KIF5C: variants seen among roughly 807,000 people sequenced by gnomAD.
KIF5C encodes the protein kinesin family member 5C.
In KIF5C, 18 loss-of-function variants were observed where a neutral mutation model predicts 125.2. That is an observed-to-expected ratio of 0.14 (90% confidence interval 0.10 to 0.21). The LOEUF (loss-of-function observed/expected upper bound fraction) is 0.21, where lower values mean the gene tolerates loss of function less well. KIF5C is among the 10% of genes least tolerant of loss of function. The pLI, the probability that KIF5C is intolerant of heterozygous loss-of-function variation, is 1.00. For synonymous variants in KIF5C, 405 were observed against 434.0 expected, an observed-to-expected ratio of 0.93 and a Z score of 0.83; for missense variants, 780 against 1,183.8, an observed-to-expected ratio of 0.66 and a Z score of 5.01.
In KIF5C at chr2:148,922,170, C is replaced by T; in HGVS notation, c.160C>T (p.Pro54Ser). 1 of 1,613,186 alleles carries T rather than the reference C, an allele frequency of 6.2e-7. No homozygotes were observed. Among genetic ancestry groups the T allele is most frequent in the Non-Finnish European group, 8.5e-7 (1 of 1,179,542 alleles). ...GCCATATGTCTTCGACAGAGTGCTA[C>T]CTCCCAACACGACCCAAGAGCAGGT... ...GKPYVFDRVL[P>S]PNTTQEQVYN... Residue 54 changes from proline to serine, a missense_variant, in exon 2 of 26, where the codon CCT (proline) becomes TCT (serine). By Grantham distance (74) the Pro-to-Ser change is moderately conservative. This residue lies in a region of KIF5C where 207 missense variants were observed against 441.2 expected (regional missense o/e 0.47). Transcript: ENST00000435030.
chr2:148,963,022 A>G (rs1682966376), intron 11 of KIF5C, among the ~76,000 whole-genome samples: 1 of 151,340 alleles, frequency 6.6e-6, no homozygotes, highest in Non-Finnish European at 1.5e-5. Flanking sequence ...TTCTACTGGG[A>G]GAAAATATCT....
Position 148,991,039 on chromosome 2 carries a change from G to C in KIF5C, c.1746G>C (p.Glu582Asp). Residue 582 changes from glutamate (E) to aspartate (D), a missense_variant, in exon 16 of 26, where the codon GAG (glutamate) becomes GAC (aspartate). Physicochemically the swap from Glu to Asp is conservative, Grantham distance 45 (BLOSUM62 2). This residue lies in a region of KIF5C where 573 missense variants were observed against 742.6 expected (regional missense o/e 0.77). Transcript: ENST00000435030. ...TLADVNGVIE[E>D]EFTMARLYIS... ...CAGATGTGAATGGAGTCATTGAGGA[G>C]GAGTTTACCATGGCCCGCCTGTACA... 1 of 1,613,630 alleles carries C rather than the reference G, an allele frequency of 6.2e-7. No homozygotes were observed. The highest frequency in any genetic ancestry group is 8.5e-7 in the Non-Finnish European group (1 of 1,179,740).
intron 8 of KIF5C, among the ~76,000 whole-genome samples, chr2:148,949,069 C>G (rs1423547767): frequency 6.6e-6 from 1 of 152,080 alleles, no homozygotes; most frequent in Admixed American, 6.6e-5. Flanking sequence ...GCAGCTGCTC[C>G]CCCTGCATCG....
At chr2:148,953,311 C>A (rs1266019908) in intron 10 of KIF5C, among the ~76,000 whole-genome samples, 1 of 152,198 alleles carries the variant, frequency 6.6e-6, no homozygotes, top group Non-Finnish European at 1.5e-5. Flanking sequence ...GCCATTACGT[C>A]CAGAAGTTTG....
intron 21 of KIF5C, 74 bp from the exon 22 acceptor site, chr2:149,005,319 A>G (rs998226627): frequency 3.8e-6 from 6 of 1,560,062 alleles, no homozygotes; most frequent in Middle Eastern, 1.7e-4. Context: ...GTGTCGGGGG[A>G]ATGATCTGGT....
intron 1 of KIF5C, among the ~76,000 whole-genome samples, chr2:148,905,669 T>C (rs1365571512): frequency 6.6e-6 from 1 of 152,146 alleles, no homozygotes; most frequent in Non-Finnish European, 1.5e-5. Context: ...TTTTAGCTAA[T>C]GGAGGAAGCC....
chr2:148,982,272 A>G (rs1357287929), intron 14 of KIF5C, among the ~76,000 whole-genome samples: 1 of 152,210 alleles, frequency 6.6e-6, no homozygotes, highest in Non-Finnish European at 1.5e-5. Context: ...AAGATGCCAT[A>G]GGTTCTGCAG....
chr2:148,983,683 A>C lies in KIF5C; in HGVS notation c.1633A>C (p.Lys545Gln). The change falls in exon 15 of 26, where the codon AAA becomes CAA. Residue 545 changes from lysine to glutamine, a missense_variant. Lys to Gln is a moderately conservative substitution (Grantham distance 53, BLOSUM62 1). Transcript: ENST00000435030. ...QLQELSNHQK[K>Q]RATEILNLLL... ...ACAAGAGCTTAGCAACCACCAGAAG[A>C]AAAGGGCAACTGAGATCCTGAATTT... 6.2e-7 allele frequency: 1 copy of C among 1,611,780 alleles called. No individual in the cohort carries two copies. The highest frequency in any genetic ancestry group is 1.1e-5 in the South Asian group (1 of 90,594).
At position 149,000,741 on chromosome 2, in the gene KIF5C, G is replaced by A. The variant is rs1388199446; in HGVS notation, c.2332G>A (p.Glu778Lys). 8.1e-6 allele frequency: 13 copies of A among 1,613,928 alleles called. No individual in the cohort carries two copies. The highest frequency in any genetic ancestry group is 1.1e-5 in the Non-Finnish European group (13 of 1,179,858). Residue 778 changes from glutamate to lysine, a missense_variant, in exon 21 of 26, where the codon GAA becomes AAA. By Grantham distance (56) the Glu-to-Lys change is moderately conservative. This residue lies in a region of KIF5C where 573 missense variants were observed against 742.6 expected (regional missense o/e 0.77). Coordinates refer to ENST00000435030, the MANE Select transcript of KIF5C (RefSeq NM_004522.3). Reference protein sequence around the residue: ...EKLLLLNDKREQAREDLKGLE... With the variant: ...EKLLLLNDKRKQAREDLKGLE... ...TTTCAGATTGCTCAACGATAAAAGG[G>A]AACAAGCCAGAGAAGACCTCAAAGG...
intron 23 of KIF5C, among the ~76,000 whole-genome samples, chr2:149,009,604 A>G (rs1381549068): frequency 6.6e-6 from 1 of 152,122 alleles, no homozygotes; most frequent in Non-Finnish European, 1.5e-5. Flanking sequence ...TCAATCAGCA[A>G]AAAGGCGCAG....
intron 11 of KIF5C, among the ~76,000 whole-genome samples, chr2:148,963,873 G>T (rs1682986884): frequency 6.6e-6 from 1 of 152,080 alleles, no homozygotes; most frequent in Admixed American, 6.5e-5. Flanking sequence ...CATCCTCTGG[G>T]ATCTGCCCAT....
chr2:149,024,068 A>T lies in KIF5C; in HGVS notation c.*998A>T, dbSNP rs759118395. 5 of 152,302 alleles carry T rather than the reference A, an allele frequency of 3.3e-5. No homozygotes were observed. The highest frequency in any genetic ancestry group is 7.3e-5 in the Non-Finnish European group (5 of 68,036). 9.4% of individuals were successfully genotyped at this position (152,302 alleles called of 1,614,324 possible). Reference sequence around the variant, plus strand: ...TGTTCTTTGTGCTTGTGTATGAGTAAGTTGCCATGAATAAGTTATTATTTT... The same window carrying T: ...TGTTCTTTGTGCTTGTGTATGAGTATGTTGCCATGAATAAGTTATTATTTT... On this transcript the variant is annotated 3_prime_UTR_variant, in exon 26 of 26. Coordinates refer to ENST00000435030, the MANE Select transcript of KIF5C (RefSeq NM_004522.3).
At chr2:148,956,803 T>C (rs73965216) in intron 10 of KIF5C, among the ~76,000 whole-genome samples, 21,071 of 152,218 alleles carry the variant, frequency 0.14, 2,226 homozygotes, top group African/African-American at 0.29. Flanking sequence ...TATCTGTATA[T>C]ACATTGAGGG....
intron 19 of KIF5C, among the ~76,000 whole-genome samples, chr2:148,999,546 T>C (rs1182542462): frequency 6.6e-6 from 1 of 152,240 alleles, no homozygotes; most frequent in African/African-American, 2.4e-5. Flanking sequence ...GCACTTAGCC[T>C]CCTCCCTCTT....
At chr2:148,937,962 T>A (rs1199747429) in intron 4 of KIF5C, among the ~76,000 whole-genome samples, 2 of 152,238 alleles carry the variant, frequency 1.3e-5, no homozygotes, top group Admixed American at 1.3e-4. Flanking sequence ...CTCTGAGAAA[T>A]GTTGGGAAGA....
Position 148,875,575 on chromosome 2 carries a change from G to GCCCCCCCCCCCCCCCCCCGC in KIF5C, c.-37_-36insCCCCCCCCCCCCGCCCCCCC. 2 of 699,606 alleles carry GCCCCCCCCCCCCCCCCCCGC rather than the reference G, an allele frequency of 2.9e-6. No individual in the cohort carries two copies. The highest frequency in any genetic ancestry group is 1.6e-5 in the South Asian group (1 of 64,500). 43.3% of individuals were successfully genotyped at this position (699,606 alleles called of 1,614,324 possible). The stretch of plus-strand genomic sequence containing the variant: ...TCCTCCCTCGTCGTTCCCGGCCCCG[G>GCCCCCCCCCCCCCCCCCCGC]CCCCCCACCCATCCCCGTGCCCCCT... On this transcript the variant is annotated 5_prime_UTR_variant, in exon 1 of 26. Coordinates refer to ENST00000435030, the MANE Select transcript of KIF5C (RefSeq NM_004522.3).
intron 18 of KIF5C, chr2:148,997,888 G>A: frequency 6.0e-6 from 1 of 166,332 alleles, no homozygotes; most frequent in African/African-American, 2.4e-5. Context: ...GCATGCCCTT[G>A]CTCCAGCCAG....
chr2:148,973,946 A>G (rs1202099113), intron 12 of KIF5C, among the ~76,000 whole-genome samples: 2 of 152,180 alleles, frequency 1.3e-5, no homozygotes, highest in Admixed American at 6.5e-5. Flanking sequence ...TCATATAACC[A>G]TAAGGCCCTG....
chr2:148,932,515 G>C (rs1221083583), intron 3 of KIF5C, among the ~76,000 whole-genome samples: 1 of 152,222 alleles, frequency 6.6e-6, no homozygotes, highest in Non-Finnish European at 1.5e-5. Flanking sequence ...GGCTTGTGCA[G>C]CCCATACCCA....
Sources: gnomAD v4.1 joint callset for allele counts (sites outside exome capture counted in the v4.1 genomes callset) on GRCh38, gnomAD v4.1.1 for gene constraint, gnomAD v4.1.1 regional missense constraint, MANE v1.5 for transcripts, NCBI Gene and HGNC (gene_info 2026-07-23, HGNC 2026-07-21) for gene names.